PARD3B: variants seen among roughly 807,000 people sequenced by gnomAD.
The protein encoded by PARD3B is par-3 family cell polarity regulator beta, also known as partitioning defective 3 homolog B.
Under a neutral mutation model 130.2 loss-of-function variants are expected in PARD3B, and 103 were observed. The observed-to-expected ratio is 0.79, with a 90% CI of 0.67 to 0.93. The LOEUF (loss-of-function observed/expected upper bound fraction) is 0.93, where lower values mean the gene tolerates loss of function less well. Among genes scored for constraint, PARD3B ranks in the 40% least tolerant of loss-of-function variants. The pLI, the probability that PARD3B is intolerant of heterozygous loss-of-function variation, is 0.00. For missense variants in PARD3B, 1,609 were observed against 1,499.2 expected (o/e 1.07, Z -1.21); for synonymous variants, 583 against 553.2 (o/e 1.05, Z -0.76).
intron 3 of PARD3B, among the ~76,000 whole-genome samples, chr2:204,984,615 G>T (rs1369010284): frequency 5.9e-5 from 9 of 152,136 alleles, no homozygotes; most frequent in African/African-American, 1.9e-4. Context: ...TCTGGGAGAT[G>T]TTTAATTCAG....
At chr2:205,503,792 C>A (rs1026822767) in intron 21 of PARD3B, among the ~76,000 whole-genome samples, 1 of 152,060 alleles carries the variant, frequency 6.6e-6, no homozygotes. Flanking sequence ...GATATTGATT[C>A]TTCCTACCCA....
rs75071561 is a variant in PARD3B, at chr2:205,503,390, C to CTT, written c.3180+3369_3180+3370dup. Among the ~76,000 whole-genome samples the CTT allele has an allele frequency of 6.3e-3, 916 of 145,796 alleles. 12 individuals carry two copies. Among genetic ancestry groups the CTT allele is most frequent in the African/African-American group, 0.022 (871 of 39,756 alleles). On this transcript the variant is annotated intron_variant, in intron 21 of 22. Coordinates refer to ENST00000406610, the MANE Select transcript of PARD3B (RefSeq NM_001302769.2). ...GTTGCCTCAGCTGACATACTTTGTT[C>CTT]TTTTTTTTTTTCATACTTTGTTCTT...
At chr2:204,588,335 A>G (rs1353302487) in intron 1 of PARD3B, among the ~76,000 whole-genome samples, 6 of 152,212 alleles carry the variant, frequency 3.9e-5, no homozygotes, top group Admixed American at 3.9e-4. Context: ...AGTGCTTTTT[A>G]ATATTGAAGA....
At chr2:204,987,998 G>A (rs1382070184) in intron 3 of PARD3B, among the ~76,000 whole-genome samples, 2 of 152,010 alleles carry the variant, frequency 1.3e-5, no homozygotes, top group Admixed American at 6.6e-5. Flanking sequence ...GTAGTTAGAT[G>A]AAAATATGGC....
chr2:205,380,458 A>T (rs1415658052), intron 18 of PARD3B, among the ~76,000 whole-genome samples: 8 of 31,990 alleles, frequency 2.5e-4, no homozygotes, highest in Non-Finnish European at 4.0e-4. Flanking sequence ...CATATATATA[A>T]TATATAAAGA....
At chr2:205,328,816 CAT>C (rs1402313420) in intron 18 of PARD3B, among the ~76,000 whole-genome samples, 2 of 152,234 alleles carry the variant, frequency 1.3e-5, no homozygotes, top group East Asian at 3.9e-4. Context: ...GGAACCATAT[CAT>C]ATGTCTTCTA....
chr2:204,931,361 C>T (rs1267161428), intron 2 of PARD3B, among the ~76,000 whole-genome samples: 1 of 151,996 alleles, frequency 6.6e-6, no homozygotes, highest in African/African-American at 2.4e-5. Context: ...TAGCATAGTG[C>T]CTGGCATATG....
intron 1 of PARD3B, among the ~76,000 whole-genome samples, chr2:204,567,204 AT>A (rs201182003): frequency 6.6e-4 from 99 of 150,844 alleles, no homozygotes; most frequent in African/African-American, 2.2e-3. Flanking sequence ...TTTATGTTGG[AT>A]TTTTTTTTCG....
rs186398520 is a variant in PARD3B at position 204,554,494 on chromosome 2, A to G, written c.120+8375A>G. Among the ~76,000 whole-genome samples, 515 of 152,114 alleles carry G rather than the reference A, an allele frequency of 3.4e-3. 3 individuals carry two copies. Among genetic ancestry groups the G allele is most frequent in the African/African-American group, 0.011 (475 of 41,500 alleles). On this transcript the variant is annotated intron_variant, in intron 1 of 22. Coordinates refer to ENST00000406610, the MANE Select transcript of PARD3B (RefSeq NM_001302769.2). ...CACCCTTGACCAATGTTTTTCTCTC[A>G]TGATCCACATACAGTCATTCTGCAA...
chr2:205,352,565 C>G lies in PARD3B; in HGVS notation c.2631-48448C>G, dbSNP rs952187339. Among the ~76,000 whole-genome samples the G allele has an allele frequency of 6.6e-6, 1 of 152,136 alleles. No individual in the cohort carries two copies. The highest frequency in any genetic ancestry group is 2.4e-5 in the African/African-American group (1 of 41,430). On this transcript the variant is annotated intron_variant, in intron 18 of 22. Transcript: ENST00000406610. The surrounding 1 kb of genome is among the most constrained non-coding windows in gnomAD (Gnocchi z 5.2). ...CTTTGATTTACATCTATATCACCTT[C>G]AATTTAATATTTCACGAGAAATAGA...
rs146565678 is a variant in PARD3B, at chr2:205,421,673, T to C, written c.2742-18697T>C. Among the ~76,000 whole-genome samples, 9 of 152,328 alleles carry C rather than the reference T, an allele frequency of 5.9e-5. No homozygotes were observed. The East Asian group carries it at 1.5e-3, about 26-fold the overall frequency. ...ATTGCTGCTGTAACAAATTACCACA[T>C]ACTTGGTATCATAAAACAACATAAA... On this transcript the variant is annotated intron_variant, in intron 19 of 22. Transcript: ENST00000406610. This position sits in a 1 kb window ranked among gnomAD's most constrained non-coding sequence, Gnocchi z 5.1.
intron 18 of PARD3B, among the ~76,000 whole-genome samples, chr2:205,310,720 T>A: frequency 2.1e-4 from 1 of 4,876 alleles, no homozygotes; most frequent in Non-Finnish European, 6.3e-4. Context: ...TCTTTCTTTC[T>A]TTTTTTTTTT....
At chr2:205,193,883 C>G (rs1418355977) in intron 15 of PARD3B, among the ~76,000 whole-genome samples, 2 of 152,176 alleles carry the variant, frequency 1.3e-5, no homozygotes, top group Non-Finnish European at 2.9e-5. Flanking sequence ...CTGAGGGTGT[C>G]AAGGTACCCT....
intron 22 of PARD3B, among the ~76,000 whole-genome samples, chr2:205,555,688 A>G (rs773832895): frequency 3.3e-5 from 5 of 152,180 alleles, no homozygotes; most frequent in African/African-American, 4.8e-5. Context: ...AAGTTCACTC[A>G]CCCACGTACA....
intron 2 of PARD3B, among the ~76,000 whole-genome samples, chr2:204,713,845 G>C (rs2038587384): frequency 6.6e-6 from 1 of 151,248 alleles, no homozygotes. Flanking sequence ...TTTTTTTTCT[G>C]CCCAGCCCTG....
At chr2:205,553,225 C>A in intron 21 of PARD3B, 99 bp from the exon 22 acceptor site, 1 of 1,087,662 alleles carries the variant, frequency 9.2e-7, no homozygotes. Context: ...TTTTGGCAGG[C>A]AGTAACAGCA....
At chr2:204,738,497 A>G (rs1441692415) in intron 2 of PARD3B, among the ~76,000 whole-genome samples, 2 of 152,346 alleles carry the variant, frequency 1.3e-5, no homozygotes, top group Admixed American at 1.3e-4. Context: ...GTAATAAATT[A>G]CCACATAGCT....
chr2:205,569,990 GCAT>G (rs1185859278), intron 22 of PARD3B, among the ~76,000 whole-genome samples: 1 of 152,080 alleles, frequency 6.6e-6, no homozygotes, highest in African/African-American at 2.4e-5. Flanking sequence ...AGAACTCTAA[GCAT>G]GCTCCTCAGA....
At chr2:204,726,996 C>T (rs2125330569) in intron 2 of PARD3B, among the ~76,000 whole-genome samples, 1 of 152,314 alleles carries the variant, frequency 6.6e-6, no homozygotes, top group African/African-American at 2.4e-5. Context: ...CATGATCCTT[C>T]CCTTCCCCGC....
Sources: allele counts gnomAD v4.1 joint callset (sites outside exome capture counted in the v4.1 genomes callset), GRCh38; gene constraint gnomAD v4.1.1; non-coding constraint Gnocchi (gnomAD v3.1); transcripts MANE v1.5; gene names NCBI Gene and HGNC (gene_info 2026-07-23, HGNC 2026-07-21).